The following CTSC variants were observed in gnomAD, a reference collection of about 807,000 sequenced individuals.
CTSC encodes cathepsin C.
Under a neutral mutation model 40.9 loss-of-function variants are expected in CTSC, and 37 were observed. That is an observed-to-expected ratio of 0.91 (90% CI 0.70 to 1.19). The LOEUF is 1.19. CTSC is among the 50% of genes most tolerant of loss of function. CTSC has a pLI of 0.00. For synonymous variants in CTSC, 232 were observed against 207.4 expected, an observed-to-expected ratio of 1.12 and a Z score of -1.02; for missense variants, 594 against 567.3, an observed-to-expected ratio of 1.05 and a Z score of -0.48.
intron 3 of CTSC, 105 bp from the exon 4 acceptor site, chr11:88,309,423 CT>C (rs758624831): frequency 1.0e-5 from 10 of 986,388 alleles, no homozygotes; most frequent in Non-Finnish European, 1.6e-5. Context: ...GTGGTACAAT[CT>C]TTCAGGAAGG....
At chr11:88,303,260 G>T (rs1327764054) in intron 4 of CTSC, among the ~76,000 whole-genome samples, 1 of 152,090 alleles carries the variant, frequency 6.6e-6, no homozygotes, top group Non-Finnish European at 1.5e-5. Context: ...ATACTAGCTG[G>T]GTGTCCTCCA....
intron 2 of CTSC, chr11:88,328,340 C>T (rs1938249139): frequency 1.5e-6 from 1 of 673,000 alleles, no homozygotes; most frequent in African/African-American, 1.8e-5. Context: ...CAAGTAAACC[C>T]AAAGTTGTTT....
chr11:88,332,444 A>C (rs1375230858), intron 2 of CTSC, among the ~76,000 whole-genome samples: 1 of 152,182 alleles, frequency 6.6e-6, no homozygotes, highest in Non-Finnish European at 1.5e-5. Context: ...TGTATTAATA[A>C]ATGTCACCCA....
Position 88,334,872 on chromosome 11 carries a change from T to A in CTSC, c.318+65A>T. 3 of 1,195,354 alleles carry A rather than the reference T, an allele frequency of 2.5e-6. No homozygotes were observed. The African/African-American group carries it at 4.5e-5, about 18-fold the overall frequency. The allele number at this position is 1,195,354 out of a possible 1,614,324, so 74.0% of individuals were successfully genotyped here. A position where few individuals can be genotyped will look rare whatever the true frequency, so the allele number is the denominator to read the frequency against. Reference sequence around the variant, plus strand: ...TAAAATTAAAATTCTGAGGGTCTACTAATCAGAAGAGGTTTCAGATATCAA... The same window carrying A: ...TAAAATTAAAATTCTGAGGGTCTACAAATCAGAAGAGGTTTCAGATATCAA... On this transcript the variant is annotated intron_variant, in intron 2 of 6. Coordinates refer to ENST00000227266, the MANE Select transcript of CTSC (RefSeq NM_001814.6).
rs1938167760 is a variant in CTSC at position 88,325,847 on chromosome 11, T to C, written c.318+9090A>G. ...TTTAAATATGTCCTCCATAGGACCATCTTCCCTTCAATAACTTATATCTGT... is the reference window on the plus strand; with the variant it reads ...TTTAAATATGTCCTCCATAGGACCACCTTCCCTTCAATAACTTATATCTGT... On this transcript the variant is annotated intron_variant, in intron 2 of 6. Coordinates refer to ENST00000227266, the MANE Select transcript of CTSC (RefSeq NM_001814.6). 25 of 986,962 alleles carry C rather than the reference T, an allele frequency of 2.5e-5. No individual in the cohort carries two copies. The South Asian group carries it at 9.8e-4, about 39-fold the overall frequency. The allele number at this position is 986,962 out of a possible 1,614,324, so 61.1% of individuals were successfully genotyped here. A position where few individuals can be genotyped will look rare whatever the true frequency, so the allele number is the denominator to read the frequency against.
chr11:88,294,017 G>A lies in CTSC; in HGVS notation c.1381C>T (p.Pro461Ser). Residue 461 changes from proline to serine, a missense_variant, in exon 7 of 7, where the codon CCT becomes TCT. By Grantham distance (74) the Pro-to-Ser change is moderately conservative (BLOSUM62 -1). Coordinates refer to ENST00000227266, the MANE Select transcript of CTSC (RefSeq NM_001814.6). Reference sequence around the variant, plus strand: ...CTGGAAGGCATACCCTACAATTTAGGAATTGGTGTGGCTGCCACTGCTATG... The same window carrying A: ...CTGGAAGGCATACCCTACAATTTAGAAATTGGTGTGGCTGCCACTGCTATG... ...ESIAVAATPI[P>S]KL 1 of 1,613,926 alleles carries A rather than the reference G, an allele frequency of 6.2e-7. No individual in the cohort carries two copies. The highest frequency in any genetic ancestry group is 8.5e-7 in the Non-Finnish European group (1 of 1,179,976).
intron 3 of CTSC, among the ~76,000 whole-genome samples, chr11:88,310,800 G>T (rs1164583431): frequency 6.6e-6 from 1 of 152,114 alleles, no homozygotes; most frequent in Non-Finnish European, 1.5e-5. Context: ...TTAGGCAAAA[G>T]AATATATTTT....
At position 88,335,101 on chromosome 11, in the gene CTSC, A is replaced by G. The variant is rs1289596965; in HGVS notation, c.173-19T>C. 12 of 1,503,108 alleles carry G rather than the reference A, an allele frequency of 8.0e-6. No individual in the cohort carries two copies. The African/African-American group carries it at 1.2e-4, about 16-fold the overall frequency. The allele number at this position is 1,503,108 out of a possible 1,614,324, so 93.1% of individuals were successfully genotyped here. A position where few individuals can be genotyped will look rare whatever the true frequency, so the allele number is the denominator to read the frequency against. ...TGTGGTCCTAAAGAAAAAAAAAAAA[A>G]GCACAATAAAGGAAAATTATTTGGA... On this transcript the variant is annotated intron_variant, in intron 1 of 6. Coordinates refer to ENST00000227266, the MANE Select transcript of CTSC (RefSeq NM_001814.6).
chr11:88,317,562 G>A (rs1197115316), intron 2 of CTSC, among the ~76,000 whole-genome samples: 5 of 152,160 alleles, frequency 3.3e-5, no homozygotes, highest in East Asian at 1.9e-4. Context: ...AGCCAAGTAC[G>A]CAGTACCTTA....
At chr11:88,314,495 A>T (rs1172576338) in intron 2 of CTSC, among the ~76,000 whole-genome samples, 1 of 152,166 alleles carries the variant, frequency 6.6e-6, no homozygotes, top group African/African-American at 2.4e-5. Flanking sequence ...GGCTACTCAT[A>T]TCCGCATCTT....
intron 5 of CTSC, chr11:88,296,726 C>T (rs1322593399): frequency 4.1e-6 from 1 of 243,084 alleles, no homozygotes; most frequent in Non-Finnish European, 8.1e-6. Context: ...AAACCCCAAT[C>T]CCAAAAGTGA....
chr11:88,296,099 A>G (rs371375204), intron 6 of CTSC, 34 bp downstream of exon 6: 69 of 1,611,642 alleles, frequency 4.3e-5, no homozygotes, highest in Middle Eastern at 3.3e-4. Flanking sequence ...ACAGGTAAAT[A>G]GCTCATAAAT....
At chr11:88,336,371 C>G (rs1309145670) in intron 1 of CTSC, among the ~76,000 whole-genome samples, 1 of 151,712 alleles carries the variant, frequency 6.6e-6, no homozygotes, top group South Asian at 2.1e-4. Context: ...AAACCCGTCT[C>G]TACTAAAAAT....
rs1430504162 is a variant in CTSC, at chr11:88,294,005, C to G, written c.*1G>C. Reference sequence around the variant, plus strand: ...CATTATGAAATACTGGAAGGCATACCCTACAATTTAGGAATTGGTGTGGCT... The same window carrying G: ...CATTATGAAATACTGGAAGGCATACGCTACAATTTAGGAATTGGTGTGGCT... On this transcript the variant is annotated 3_prime_UTR_variant, in exon 7 of 7. Transcript: ENST00000227266. 6.2e-7 allele frequency: 1 copy of G among 1,613,794 alleles called. No homozygotes were observed. The highest frequency in any genetic ancestry group is 8.5e-7 in the Non-Finnish European group (1 of 1,179,946).
At chr11:88,317,683 A>G (rs1052096077) in intron 2 of CTSC, among the ~76,000 whole-genome samples, 6 of 152,180 alleles carry the variant, frequency 3.9e-5, no homozygotes, top group African/African-American at 1.4e-4. Context: ...TGTATCACCA[A>G]TTAAGAAGTT....
chr11:88,306,126 A>G lies in CTSC; in HGVS notation c.641+3037T>C, dbSNP rs550295735. 7.9e-5 allele frequency among the ~76,000 whole-genome samples: 12 copies of G among 152,350 alleles called. No homozygotes were observed. In the South Asian group the frequency reaches 2.5e-3, roughly 32 times the overall value. ...ATTTCACAGACAAGAAATTCTCTAG[A>G]ATAAACTTGGAGAAATACTGCAAAA... On this transcript the variant is annotated intron_variant, in intron 4 of 6. Transcript: ENST00000227266.
At chr11:88,295,999 C>T in intron 6 of CTSC, 134 bp downstream of exon 6, 3 of 924,344 alleles carry the variant, frequency 3.2e-6, no homozygotes, top group Non-Finnish European at 5.4e-6. Flanking sequence ...AGTGATAGGG[C>T]CAGACTTGCA....
rs375974986 is a variant in CTSC at position 88,296,205 on chromosome 11, T to C, written c.817A>G (p.Ile273Val). 6.8e-6 allele frequency: 11 copies of C among 1,613,906 alleles called. No individual in the cohort carries two copies. In the African/African-American group the frequency reaches 9.3e-5, roughly 14 times the overall value. The change falls in exon 6 of 7, where the codon ATA becomes GTA. Residue 273 changes from isoleucine to valine, a missense_variant. Coordinates refer to ENST00000227266, the MANE Select transcript of CTSC (RefSeq NM_001814.6). Reference sequence around the variant, plus strand: ...GGGGTCTGAGAATTGTTGGTTAGTATACGGATTCTCGCTTCTAGCATACCC... The same window carrying C: ...GGGGTCTGAGAATTGTTGGTTAGTACACGGATTCTCGCTTCTAGCATACCC... ...SMGMLEARIR[I>V]LTNNSQTPIL...
chr11:88,302,741 A>G (rs1382587451), intron 4 of CTSC, among the ~76,000 whole-genome samples: 3 of 152,094 alleles, frequency 2.0e-5, no homozygotes, highest in Non-Finnish European at 4.4e-5. Context: ...TGACAATTGT[A>G]TAGATTACAC....
Sources: allele counts gnomAD v4.1 joint callset (sites outside exome capture counted in the v4.1 genomes callset), GRCh38; gene constraint gnomAD v4.1.1; transcripts MANE v1.5; gene names NCBI Gene and HGNC (gene_info 2026-07-23, HGNC 2026-07-21).